Variants in STK32B observed in about 807,000 individuals in gnomAD.
STK32B encodes the protein serine/threonine kinase 32B.
Under a neutral mutation model 52.6 loss-of-function variants are expected in STK32B, and 43 were observed. That is an observed-to-expected ratio of 0.82 (90% confidence interval 0.64 to 1.05). STK32B has a LOEUF of 1.05. Among genes scored for constraint, STK32B ranks in the 50% least tolerant of loss-of-function variants. STK32B has a pLI of 0.00. For missense variants in STK32B, 621 were observed against 534.6 expected (o/e 1.16, Z -1.59); for synonymous variants, 238 against 204.3 (o/e 1.17, Z -1.41).
chr4:5,098,614 C>G lies in STK32B; in HGVS notation c.53-41291C>G, dbSNP rs190795898. ...TTTATAGGTGAGGAGATTGAGACTT[C>G]TCAAGGTGAAATCACTACTTAAGGT... On this transcript the variant is annotated intron_variant, in intron 1 of 11. Coordinates refer to ENST00000282908, the MANE Select transcript of STK32B (RefSeq NM_018401.3). 3.5e-3 allele frequency among the ~76,000 whole-genome samples: 528 copies of G among 152,294 alleles called. 7 individuals are homozygous for G. The highest frequency in any genetic ancestry group is 0.012 in the African/African-American group (512 of 41,558).
At chr4:5,055,607 C>T (rs1224531843) in intron 1 of STK32B, among the ~76,000 whole-genome samples, 2 of 152,170 alleles carry the variant, frequency 1.3e-5, no homozygotes, top group African/African-American at 4.8e-5. Context: ...AAGCTGAAGT[C>T]CTTATAGATG....
At chr4:5,067,548 A>G (rs1742471626) in intron 1 of STK32B, among the ~76,000 whole-genome samples, 3 of 152,334 alleles carry the variant, frequency 2.0e-5, no homozygotes, top group African/African-American at 7.2e-5. Context: ...TATCTAAAGG[A>G]GAAAGCCTAG....
chr4:5,176,129 C>T (rs564251853), intron 3 of STK32B, among the ~76,000 whole-genome samples: 12 of 152,282 alleles, frequency 7.9e-5, no homozygotes, highest in Middle Eastern at 6.8e-3. Flanking sequence ...CCTGGTGTGC[C>T]GTTTGTTGCG....
intron 2 of STK32B, among the ~76,000 whole-genome samples, chr4:5,148,856 C>T (rs1012325337): frequency 3.3e-5 from 5 of 151,686 alleles, no homozygotes; most frequent in African/African-American, 1.2e-4. Context: ...ATTATTTCTT[C>T]TTCCTTTAAG....
chr4:5,190,420 A>C (rs1212980214), intron 3 of STK32B, among the ~76,000 whole-genome samples: 3 of 152,160 alleles, frequency 2.0e-5, no homozygotes, highest in Non-Finnish European at 4.4e-5. Context: ...GGAGGTTAGA[A>C]AACCTGTAGA....
At chr4:5,024,403 A>G in the STK32B span, among the ~76,000 whole-genome samples, 3 of 152,204 alleles carry the variant, frequency 2.0e-5, no homozygotes, top group Non-Finnish European at 4.4e-5. Context: ...CTACCCTACT[A>G]CAATTTTGTA....
At chr4:5,216,438 C>G (rs1723189142) in intron 3 of STK32B, among the ~76,000 whole-genome samples, 3 of 152,142 alleles carry the variant, frequency 2.0e-5, no homozygotes. Flanking sequence ...TTTGTTATGA[C>G]AAACAGCAGT....
intron 1 of STK32B, among the ~76,000 whole-genome samples, chr4:5,109,357 A>G (rs1464339221): frequency 6.6e-6 from 1 of 152,252 alleles, no homozygotes; most frequent in East Asian, 1.9e-4. Flanking sequence ...AAGGACACAC[A>G]CATGGACGAA....
At chr4:5,307,337 A>T (rs901552059) in intron 3 of STK32B, among the ~76,000 whole-genome samples, 1 of 151,924 alleles carries the variant, frequency 6.6e-6, no homozygotes, top group Non-Finnish European at 1.5e-5. Context: ...TCATTTTTTT[A>T]TCTTTTATTC....
intron 3 of STK32B, among the ~76,000 whole-genome samples, chr4:5,200,906 T>C (rs755303991): frequency 2.2e-4 from 34 of 152,200 alleles, no homozygotes; most frequent in Non-Finnish European, 4.7e-4. Flanking sequence ...GGTTCCATGA[T>C]GTAGCCAGGG....
At chr4:5,383,699 C>A (rs954792603) in intron 4 of STK32B, among the ~76,000 whole-genome samples, 11 of 152,180 alleles carry the variant, frequency 7.2e-5, no homozygotes, top group African/African-American at 2.7e-4. Flanking sequence ...GCAGTGGACT[C>A]ACCCTGAAAA....
chr4:5,153,661 C>T (rs187567666), intron 2 of STK32B, among the ~76,000 whole-genome samples: 24 of 152,178 alleles, frequency 1.6e-4, no homozygotes, highest in East Asian at 1.5e-3. Context: ...TGACTCTTGC[C>T]ACACCTATAC....
the STK32B span, among the ~76,000 whole-genome samples, chr4:5,028,354 C>T: frequency 6.6e-6 from 1 of 152,212 alleles, no homozygotes; most frequent in African/African-American, 2.4e-5. Flanking sequence ...TGTGTGAATC[C>T]TCAGTGCTGG....
intron 6 of STK32B, among the ~76,000 whole-genome samples, chr4:5,423,529 G>T (rs77475033): frequency 0.026 from 3,990 of 152,234 alleles, 196 homozygotes; most frequent in African/African-American, 0.09. Context: ...ATATTAATGT[G>T]GTTGTTCTGA....
chr4:5,325,182 T>C (rs1335922861), intron 3 of STK32B, among the ~76,000 whole-genome samples: 3 of 152,222 alleles, frequency 2.0e-5, no homozygotes, highest in Non-Finnish European at 4.4e-5. Context: ...AAAAAATTCC[T>C]GTTCCACTTA....
the STK32B span, among the ~76,000 whole-genome samples, chr4:5,043,188 A>G: frequency 6.6e-6 from 1 of 150,556 alleles, no homozygotes; most frequent in Non-Finnish European, 1.5e-5. Context: ...CTCAGATACC[A>G]GGAGGAGAAA....
chr4:5,261,009 G>A (rs1726675842), intron 3 of STK32B, among the ~76,000 whole-genome samples: 1 of 152,156 alleles, frequency 6.6e-6, no homozygotes, highest in South Asian at 2.1e-4. Flanking sequence ...CAATCACTGT[G>A]GGCTGCCCAA....
chr4:5,134,897 A>C (rs556935196), intron 1 of STK32B, among the ~76,000 whole-genome samples: 1 of 152,332 alleles, frequency 6.6e-6, no homozygotes, highest in South Asian at 2.1e-4. Flanking sequence ...GCCATCTTGA[A>C]AGTTCACTCT....
chr4:5,059,256 T>C (rs761899760), intron 1 of STK32B, among the ~76,000 whole-genome samples: 1 of 151,938 alleles, frequency 6.6e-6, no homozygotes, highest in Non-Finnish European at 1.5e-5. Flanking sequence ...TAACCACGCC[T>C]ATCCTGACTG....
Sources: allele counts gnomAD v4.1 joint callset (sites outside exome capture counted in the v4.1 genomes callset), GRCh38; gene constraint gnomAD v4.1.1; transcripts MANE v1.5; gene names NCBI Gene and HGNC (gene_info 2026-07-23, HGNC 2026-07-21).